The following ADCY2 variants were observed in gnomAD, a reference collection of about 807,000 sequenced individuals.
ADCY2 encodes the protein adenylate cyclase type 2.
In ADCY2, 31 loss-of-function variants were observed where a neutral mutation model predicts 125.2. The ratio of observed to expected loss-of-function variants is 0.25; its 90% CI spans 0.19 to 0.33. The LOEUF (loss-of-function observed/expected upper bound fraction) is 0.33, where lower values mean the gene tolerates loss of function less well. Among genes scored for constraint, ADCY2 ranks in the 10% least tolerant of loss-of-function variants. ADCY2 has a pLI of 1.00. For missense variants in ADCY2, 904 were observed against 1,418.2 expected (o/e 0.64, Z 5.82); for synonymous variants, 512 against 548.4 (o/e 0.93, Z 0.93).
intron 2 of ADCY2, among the ~76,000 whole-genome samples, chr5:7,418,917 T>C (rs950551120): frequency 6.6e-6 from 1 of 152,136 alleles, no homozygotes; most frequent in Non-Finnish European, 1.5e-5. Flanking sequence ...CCTCCCAAAC[T>C]GCTGGGATTA....
chr5:7,746,970 CA>C (rs11424423), intron 15 of ADCY2, among the ~76,000 whole-genome samples: 7 of 115,858 alleles, frequency 6.0e-5, no homozygotes, highest in Non-Finnish European at 1.2e-4. Context: ...TCAAAATAGG[CA>C]AAAAAAATGG....
intron 2 of ADCY2, among the ~76,000 whole-genome samples, chr5:7,437,928 C>A (rs2126391751): frequency 6.6e-6 from 1 of 152,272 alleles, no homozygotes; most frequent in African/African-American, 2.4e-5. Context: ...TCTTCTGACC[C>A]TGTTGGCAAG....
intron 4 of ADCY2, among the ~76,000 whole-genome samples, chr5:7,649,778 A>G (rs1739020091): frequency 1.3e-5 from 2 of 152,214 alleles, no homozygotes. Flanking sequence ...ATTAATGAAT[A>G]TCTCAAACAA....
At chr5:7,606,030 G>T (rs1172180447) in intron 3 of ADCY2, among the ~76,000 whole-genome samples, 1 of 146,076 alleles carries the variant, frequency 6.8e-6, no homozygotes, top group African/African-American at 2.6e-5. Context: ...AAGGGTTGTT[G>T]AATTTTGTCA....
chr5:7,756,990 G>C (rs550643546), intron 15 of ADCY2, among the ~76,000 whole-genome samples: 86 of 152,280 alleles, frequency 5.6e-4, no homozygotes, highest in African/African-American at 2.0e-3. Context: ...AACTAAGTCT[G>C]TGGCCTGGGC....
chr5:7,772,559 C>T (rs906124733), intron 17 of ADCY2, among the ~76,000 whole-genome samples: 1 of 152,158 alleles, frequency 6.6e-6, no homozygotes, highest in Non-Finnish European at 1.5e-5. Context: ...ATCCTATAGA[C>T]TTAACTTACA....
At chr5:7,690,548 A>G (rs1740671507) in intron 4 of ADCY2, 143 bp from the exon 5 acceptor site, 2 of 587,622 alleles carry the variant, frequency 3.4e-6, no homozygotes, top group East Asian at 3.3e-5. Flanking sequence ...TTCCCAATAT[A>G]TATTTCTAGA....
At chr5:7,702,680 G>A (rs1741128177) in intron 7 of ADCY2, among the ~76,000 whole-genome samples, 1 of 152,156 alleles carries the variant, frequency 6.6e-6, no homozygotes, top group African/African-American at 2.4e-5. Context: ...TAGTGCCACA[G>A]TAAACATACG....
intron 3 of ADCY2, among the ~76,000 whole-genome samples, chr5:7,572,148 A>T (rs1038485438): frequency 6.6e-6 from 1 of 152,178 alleles, no homozygotes; most frequent in East Asian, 1.9e-4. Flanking sequence ...TCCTGTGGGT[A>T]TATACCTAGT....
At chr5:7,433,599 A>C (rs992720682) in intron 2 of ADCY2, among the ~76,000 whole-genome samples, 1 of 152,256 alleles carries the variant, frequency 6.6e-6, no homozygotes, top group Non-Finnish European at 1.5e-5. Flanking sequence ...AAAATTGTGG[A>C]ACAGTTAGAT....
chr5:7,664,517 G>T (rs983951980), intron 4 of ADCY2, among the ~76,000 whole-genome samples: 1 of 152,164 alleles, frequency 6.6e-6, no homozygotes, highest in African/African-American at 2.4e-5. Context: ...TATCTAAGGG[G>T]TCTGGGGAGT....
chr5:7,746,314 T>C (rs6862132), intron 15 of ADCY2: 151,486 of 152,446 alleles, frequency 0.99, 75,270 homozygotes, highest in Middle Eastern at 1. Flanking sequence ...TGAGGCTCCC[T>C]CTAGTGGCCA....
chr5:7,503,104 C>A (rs1743657384), intron 2 of ADCY2, among the ~76,000 whole-genome samples: 1 of 152,152 alleles, frequency 6.6e-6, no homozygotes, highest in African/African-American at 2.4e-5. Flanking sequence ...GAATGCAGAG[C>A]TGGGCACACA....
In ADCY2 at chr5:7,520,849, AG is replaced by A; in HGVS notation, c.521del (p.Ser174ThrfsTer22). 6.2e-7 allele frequency: 1 copy of A among 1,614,108 alleles called. No homozygotes were observed. The highest frequency in any genetic ancestry group is 8.5e-7 in the Non-Finnish European group (1 of 1,180,018). On this transcript the variant is annotated frameshift_variant, in exon 3 of 25. Coordinates refer to ENST00000338316, the MANE Select transcript of ADCY2 (RefSeq NM_020546.3). LOFTEE classifies it high-confidence loss of function. ...CTCCTCCTCCCACACCATCGTGCTT[AG>A]CGTCTGCCTGTCTGCAACACCGGGA... ...LTSSSHTIVL[S>X]VCLSATPGGK...
At chr5:7,655,264 T>A (rs757214028) in intron 4 of ADCY2, among the ~76,000 whole-genome samples, 1 of 152,204 alleles carries the variant, frequency 6.6e-6, no homozygotes, top group Non-Finnish European at 1.5e-5. Flanking sequence ...TTTTTAGGAC[T>A]GTATTAGTCA....
At chr5:7,537,764 C>T (rs1254090228) in intron 3 of ADCY2, among the ~76,000 whole-genome samples, 3 of 152,220 alleles carry the variant, frequency 2.0e-5, no homozygotes, top group Non-Finnish European at 4.4e-5. Flanking sequence ...ATGCAAGGCC[C>T]TGTAGGACAT....
chr5:7,772,848 G>A (rs747447361), intron 17 of ADCY2, 84 bp from the exon 18 acceptor site: 123 of 1,346,696 alleles, frequency 9.1e-5, no homozygotes, highest in Non-Finnish European at 1.2e-4. Context: ...CAGATGAGAT[G>A]GGCGGTGGTC....
chr5:7,447,315 C>G (rs915451585), intron 2 of ADCY2, among the ~76,000 whole-genome samples: 1 of 152,170 alleles, frequency 6.6e-6, no homozygotes, highest in Non-Finnish European at 1.5e-5. Context: ...TGCCTGTGAC[C>G]CTGCCTGGCC....
chr5:7,608,712 T>C (rs1737469538), intron 3 of ADCY2, among the ~76,000 whole-genome samples: 1 of 152,258 alleles, frequency 6.6e-6, no homozygotes, highest in Non-Finnish European at 1.5e-5. Context: ...CACAGGTATA[T>C]TGCGTATCTG....
Sources: allele counts gnomAD v4.1 joint callset (sites outside exome capture counted in the v4.1 genomes callset), GRCh38; gene constraint gnomAD v4.1.1; transcripts MANE v1.5; gene names NCBI Gene and HGNC (gene_info 2026-07-23, HGNC 2026-07-21).